The following PTPN2 variants were observed in gnomAD, a reference collection of about 807,000 sequenced individuals.
PTPN2 encodes the protein tyrosine-protein phosphatase non-receptor type 2.
PTPN2 carries 19 observed loss-of-function variants against 57.3 expected under a neutral mutation model. The observed-to-expected ratio is 0.33, with a 90% CI of 0.23 to 0.49. PTPN2 has a LOEUF of 0.49. PTPN2 is among the 20% of genes least tolerant of loss of function. PTPN2 has a pLI of 0.99. For missense variants in PTPN2, 358 were observed against 501.1 expected, an observed-to-expected ratio of 0.71 and a Z score of 2.73; for synonymous variants, 153 against 164.9, an observed-to-expected ratio of 0.93 and a Z score of 0.55.
intron 1 of PTPN2, among the ~76,000 whole-genome samples, chr18:12,870,480 G>GAC: frequency 2.0e-5 from 2 of 101,668 alleles, no homozygotes; most frequent in Non-Finnish European, 3.7e-5. Context: ...GAGAGAGAGA[G>GAC]AGAGAGAGAG....
In PTPN2 at chr18:12,801,958, T is replaced by C. The variant is rs1598741968; in HGVS notation, c.1040+12A>G. 6.4e-7 allele frequency: 1 copy of C among 1,570,918 alleles called. No homozygotes were observed. The highest frequency in any genetic ancestry group is 8.6e-7 in the Non-Finnish European group (1 of 1,162,856). On this transcript the variant is annotated intron_variant, in intron 8 of 8. Coordinates refer to ENST00000309660, the MANE Select transcript of PTPN2 (RefSeq NM_002828.4). ...AGCCTCATCTTTCAGCCTGTAGTTA[T>C]AGAAAGCTTACCTCTCACTGTTCTC...
rs61427219 is a variant in PTPN2 at position 12,857,128 on chromosome 18, T to C, written c.160+2036A>G. On this transcript the variant is annotated intron_variant, in intron 2 of 8. Transcript: ENST00000309660. ...AACTAATTAGGGGACTCAAATGTAG[T>C]GTAGTGCATCCAATAATTGCAATTA... Among the ~76,000 whole-genome samples the C allele has an allele frequency of 6.8e-3, 1,022 of 150,706 alleles. 19 individuals carry two copies. The highest frequency in any genetic ancestry group is 0.024 in the African/African-American group (993 of 40,986).
chr18:12,799,286 G>A (rs1413492135), intron 8 of PTPN2, among the ~76,000 whole-genome samples: 2 of 151,622 alleles, frequency 1.3e-5, no homozygotes, highest in African/African-American at 4.8e-5. Flanking sequence ...GTGTAGTGGC[G>A]GGGGCCTGTA....
chr18:12,875,797 C>G (rs975527448), intron 1 of PTPN2, among the ~76,000 whole-genome samples: 1 of 152,144 alleles, frequency 6.6e-6, no homozygotes, highest in Non-Finnish European at 1.5e-5. Flanking sequence ...AGAGAGTGGA[C>G]AGGTAAGAGG....
chr18:12,870,623 C>T (rs563542257), intron 1 of PTPN2, among the ~76,000 whole-genome samples: 1 of 147,894 alleles, frequency 6.8e-6, no homozygotes, highest in South Asian at 2.1e-4. Context: ...ATTCTCCTGC[C>T]TCAGCCTCCC....
chr18:12,826,007 TA>T, intron 4 of PTPN2, 63 bp from the exon 5 acceptor site: 1 of 1,388,828 alleles, frequency 7.2e-7, no homozygotes, highest in Non-Finnish European at 9.8e-7. Flanking sequence ...ACCATAAAGT[TA>T]AAAAATGAAA....
At chr18:12,837,952 A>G (rs2042923157) in intron 2 of PTPN2, among the ~76,000 whole-genome samples, 1 of 152,202 alleles carries the variant, frequency 6.6e-6, no homozygotes, top group Admixed American at 6.5e-5. Context: ...AATCACATAT[A>G]CTAGTGTTCT....
At chr18:12,884,028 G>C (rs369266593) in intron 1 of PTPN2, 45 bp downstream of exon 1, 118 of 1,513,912 alleles carry the variant, frequency 7.8e-5, no homozygotes, top group Admixed American at 2.0e-4. Context: ...CACGAGTCCG[G>C]GTCTCGGAGG....
intron 8 of PTPN2, among the ~76,000 whole-genome samples, chr18:12,800,576 T>C (rs1328003601): frequency 6.6e-6 from 1 of 152,086 alleles, no homozygotes; most frequent in Admixed American, 6.6e-5. Flanking sequence ...CTATAATATA[T>C]AATAATACAT....
intron 2 of PTPN2, among the ~76,000 whole-genome samples, chr18:12,855,012 G>A (rs1336854291): frequency 6.6e-6 from 1 of 152,256 alleles, no homozygotes; most frequent in Admixed American, 6.5e-5. Flanking sequence ...TTAGCCAGGC[G>A]TCATGGCTCG....
intron 3 of PTPN2, among the ~76,000 whole-genome samples, chr18:12,835,675 C>T (rs1269962426): frequency 1.3e-5 from 2 of 152,020 alleles, no homozygotes; most frequent in East Asian, 1.9e-4. Flanking sequence ...CGCGCCTGGC[C>T]GATCACATAT....
At chr18:12,791,489 G>A (rs2040981674), downstream of PTPN2, among the ~76,000 whole-genome samples, 1 of 151,798 alleles carries the variant, frequency 6.6e-6, no homozygotes, top group African/African-American at 2.4e-5. Flanking sequence ...TTTTTCCTCT[G>A]GCTGTTACCA....
chr18:12,824,572 A>G (rs771681514), intron 5 of PTPN2, among the ~76,000 whole-genome samples: 7 of 152,202 alleles, frequency 4.6e-5, no homozygotes, highest in Middle Eastern at 3.4e-3. Flanking sequence ...ACATTCTCCT[A>G]TTTTCAAGCT....
At chr18:12,800,528 T>C (rs1366290585) in intron 8 of PTPN2, among the ~76,000 whole-genome samples, 2 of 152,082 alleles carry the variant, frequency 1.3e-5, no homozygotes, top group East Asian at 1.9e-4. Flanking sequence ...AAGTCAAAAA[T>C]TGGGAATAAC....
chr18:12,883,858 A>T (rs575768978), intron 1 of PTPN2: 1 of 484,982 alleles, frequency 2.1e-6, no homozygotes, highest in African/African-American at 2.1e-5. Context: ...TGAGCTGCTC[A>T]GCTCAAGTAT....
At chr18:12,810,107 G>A (rs1034526975) in intron 7 of PTPN2, among the ~76,000 whole-genome samples, 20 of 152,180 alleles carry the variant, frequency 1.3e-4, no homozygotes, top group African/African-American at 4.3e-4. Context: ...GCTTGAACCC[G>A]GGAGGCCGAG....
At chr18:12,792,135 A>G, downstream of PTPN2, 1 of 782,320 alleles carries the variant, frequency 1.3e-6, no homozygotes, top group South Asian at 5.8e-5. Context: ...GTAATACTGA[A>G]TCAGGACACA....
Position 12,835,382 on chromosome 18 carries a change from CT to C in PTPN2, c.261+1408del, listed in dbSNP as rs60239177. 4.9e-4 allele frequency among the ~76,000 whole-genome samples: 49 copies of C among 99,012 alleles called. 1 individual carries two copies. Among genetic ancestry groups the C allele is most frequent in the African/African-American group, 1.5e-3 (36 of 23,906 alleles). The allele number at this position is 99,012 out of a possible 152,430, so 65.0% of individuals were successfully genotyped here. A position where few individuals can be genotyped will look rare whatever the true frequency, so the allele number is the denominator to read the frequency against. On this transcript the variant is annotated intron_variant, in intron 3 of 8. Coordinates refer to ENST00000309660, the MANE Select transcript of PTPN2 (RefSeq NM_002828.4). ...CTGCAATGAACATGATCACATATGT[CT>C]TTTTTTTTTTTTTGGACAGTTTTGC...
intron 7 of PTPN2, among the ~76,000 whole-genome samples, chr18:12,810,312 C>T (rs756589856): frequency 1.3e-5 from 2 of 151,648 alleles, no homozygotes; most frequent in Non-Finnish European, 2.9e-5. Context: ...TGCAGTGAGC[C>T]GAGATCACGC....
Sources: allele counts gnomAD v4.1 joint callset (sites outside exome capture counted in the v4.1 genomes callset), GRCh38; gene constraint gnomAD v4.1.1; transcripts MANE v1.5; gene names NCBI Gene and HGNC (gene_info 2026-07-23, HGNC 2026-07-21).